Variants in MAPK14 observed in about 807,000 individuals in gnomAD.
MAPK14 encodes the protein CSAID-binding protein.
MAPK14 carries 16 observed loss-of-function variants against 49.6 expected under a neutral mutation model. The ratio of observed to expected loss-of-function variants is 0.32; its 90% confidence interval spans 0.22 to 0.49. The LOEUF is 0.49. Ranked by LOEUF, MAPK14 falls within the 20% of genes least tolerant of loss-of-function variation. MAPK14 has a pLI of 0.99. For missense variants in MAPK14, 200 were observed against 441.2 expected (o/e 0.45, Z 4.90); for synonymous variants, 142 against 158.0 (o/e 0.90, Z 0.76).
intron 1 of MAPK14, among the ~76,000 whole-genome samples, chr6:36,042,299 T>C (rs1014839862): frequency 3.9e-5 from 6 of 152,010 alleles, no homozygotes; most frequent in African/African-American, 1.4e-4. Flanking sequence ...TGGAGGAAAA[T>C]TGTTTTAAAA....
At chr6:36,120,587 A>G in the MAPK14 span, among the ~76,000 whole-genome samples, 1 of 151,974 alleles carries the variant, frequency 6.6e-6, no homozygotes, top group African/African-American at 2.4e-5. Flanking sequence ...CAATGCGGTG[A>G]TAAGTGTGTA....
the MAPK14 span, among the ~76,000 whole-genome samples, chr6:36,123,404 A>G: frequency 6.6e-6 from 1 of 152,196 alleles, no homozygotes; most frequent in East Asian, 1.9e-4. Flanking sequence ...CAGCAAAATC[A>G]GAAACATCCT....
chr6:36,100,359 T>G (rs1765593064), intron 9 of MAPK14: 1 of 954,656 alleles, frequency 1.0e-6, no homozygotes, highest in Non-Finnish European at 1.7e-6. Flanking sequence ...TTAACATCAC[T>G]GGATGCTTGC....
intron 1 of MAPK14, among the ~76,000 whole-genome samples, chr6:36,051,707 G>A (rs952678744): frequency 5.3e-5 from 8 of 152,296 alleles, no homozygotes; most frequent in Admixed American, 3.9e-4. Flanking sequence ...CTTTGTGACC[G>A]TGGTCAAGTT....
At position 36,028,309 on chromosome 6, in the gene MAPK14, G is replaced by A. The variant is rs1281543141; in HGVS notation, c.116+36G>A. On this transcript the variant is annotated intron_variant, in intron 1 of 11. Coordinates refer to ENST00000229794, the MANE Select transcript of MAPK14 (RefSeq NM_139012.3). The surrounding 1 kb of genome is among the most constrained non-coding windows in gnomAD (Gnocchi z 5.1). ...CTGGGCCTGGGGCCGCTGTGGGCAGGGTGGCCCCTCGCGCCCGAGGGCCAG... is the reference window on the plus strand; with the variant it reads ...CTGGGCCTGGGGCCGCTGTGGGCAGAGTGGCCCCTCGCGCCCGAGGGCCAG... 4 of 1,520,368 alleles carry A rather than the reference G, an allele frequency of 2.6e-6. No homozygotes were observed. The highest frequency in any genetic ancestry group is 3.4e-5 in the Admixed American group (2 of 59,074). The allele number at this position is 1,520,368 out of a possible 1,614,324, so 94.2% of individuals were successfully genotyped here. A position where few individuals can be genotyped will look rare whatever the true frequency, so the allele number is the denominator to read the frequency against.
At chr6:36,096,708 T>C (rs1254986917) in intron 9 of MAPK14, 1 of 152,198 alleles carries the variant, frequency 6.6e-6, no homozygotes, top group African/African-American at 2.4e-5. Context: ...AGGAATGTGG[T>C]TATAAATTTT....
At chr6:36,096,923 A>G (rs886547910) in intron 9 of MAPK14, 1 of 152,162 alleles carries the variant, frequency 6.6e-6, no homozygotes, top group Non-Finnish European at 1.5e-5. Flanking sequence ...TTTTCCCTCG[A>G]TCTGCTGCCA....
At chr6:36,049,585 C>T (rs1763315846) in intron 1 of MAPK14, among the ~76,000 whole-genome samples, 1 of 152,168 alleles carries the variant, frequency 6.6e-6, no homozygotes, top group Admixed American at 6.5e-5. Flanking sequence ...CCAGGTGAAA[C>T]TGATGCTGCT....
intron 3 of MAPK14, among the ~76,000 whole-genome samples, chr6:36,065,507 GGTGTGTGTGTGTGTGTGTGTGTGT>G (rs386358922): frequency 2.4e-5 from 3 of 122,542 alleles, no homozygotes; most frequent in South Asian, 6.2e-4. Context: ...GGGCAGAAAA[GGTGTGTGTGTGTGTGTGTGTGTGT>G]GTGTGTGTGT....
At chr6:36,045,731 C>G (rs1763149427) in intron 1 of MAPK14, among the ~76,000 whole-genome samples, 1 of 150,900 alleles carries the variant, frequency 6.6e-6, no homozygotes, top group Non-Finnish European at 1.5e-5. Context: ...ATGGCGTGAA[C>G]CCGGGAGGCG....
At chr6:36,100,106 C>T (rs1765582606) in intron 9 of MAPK14, 1 of 997,496 alleles carries the variant, frequency 1.0e-6, no homozygotes, top group Middle Eastern at 2.1e-4. Flanking sequence ...TTGGGGGTGG[C>T]TTTTTGACCT....
the MAPK14 span, among the ~76,000 whole-genome samples, chr6:36,123,696 G>A: frequency 6.6e-6 from 1 of 152,216 alleles, no homozygotes; most frequent in African/African-American, 2.4e-5. Flanking sequence ...ATTGTCCAGA[G>A]GTGGAGAGGG....
intron 3 of MAPK14, among the ~76,000 whole-genome samples, chr6:36,065,731 T>C (rs908386755): frequency 6.6e-6 from 1 of 152,106 alleles, no homozygotes; most frequent in Non-Finnish European, 1.5e-5. Flanking sequence ...TGGGATGACA[T>C]AGTTACAACT....
At chr6:36,066,739 T>TGG (rs1195173579) in intron 3 of MAPK14, among the ~76,000 whole-genome samples, 3 of 147,922 alleles carry the variant, frequency 2.0e-5, no homozygotes, top group African/African-American at 8.0e-5. Context: ...TGATGAATTC[T>TGG]GGGTGTGTGT....
chr6:36,115,653 C>T (rs1318624395), downstream of MAPK14, among the ~76,000 whole-genome samples: 6 of 152,022 alleles, frequency 3.9e-5, no homozygotes, highest in Admixed American at 6.6e-5. Flanking sequence ...TGGGGCGGGG[C>T]GCAGTGGCTT....
Position 36,107,533 on chromosome 6 carries a change from A to G in MAPK14, c.920A>G (p.Tyr307Cys). ...GCGGCCCAAGCCCTTGCACATGCCT[A>G]CTTTGCTCAGTACCACGATCCTGAT... ...ITAAQALAHA[Y>C]FAQYHDPDDE... The change falls in exon 11 of 12, where the codon TAC (tyrosine) becomes TGC (cysteine). Residue 307 changes from tyrosine to cysteine, a missense_variant. By Grantham distance (194) the Tyr-to-Cys change is radical (BLOSUM62 -2). Coordinates refer to ENST00000229794, the MANE Select transcript of MAPK14 (RefSeq NM_139012.3). The surrounding 1 kb of genome is among the most constrained non-coding windows in gnomAD (Gnocchi z 4.3). 6.2e-7 allele frequency: 1 copy of G among 1,607,176 alleles called. No homozygotes were observed. The highest frequency in any genetic ancestry group is 8.5e-7 in the Non-Finnish European group (1 of 1,176,806).
intron 1 of MAPK14, among the ~76,000 whole-genome samples, chr6:36,038,884 G>A (rs1012576453): frequency 2.0e-5 from 3 of 151,998 alleles, no homozygotes; most frequent in Admixed American, 6.6e-5. Context: ...TGGCTTTTAG[G>A]GTTTTTCTTA....
At chr6:36,116,236 G>A (rs1303120193), downstream of MAPK14, among the ~76,000 whole-genome samples, 1 of 152,156 alleles carries the variant, frequency 6.6e-6, no homozygotes, top group Non-Finnish European at 1.5e-5. Context: ...ATACAGTTGT[G>A]TTGTCTTGAC....
intron 1 of MAPK14, among the ~76,000 whole-genome samples, chr6:36,034,355 A>C (rs763768781): frequency 4.3e-4 from 66 of 152,358 alleles, no homozygotes; most frequent in African/African-American, 1.5e-3. Flanking sequence ...TTCAGTGTAC[A>C]TTTATGTAAA....
Sources: allele counts gnomAD v4.1 joint callset (sites outside exome capture counted in the v4.1 genomes callset), GRCh38; gene constraint gnomAD v4.1.1; non-coding constraint Gnocchi (gnomAD v3.1); transcripts MANE v1.5; gene names NCBI Gene and HGNC (gene_info 2026-07-23, HGNC 2026-07-21).